PPP1R9A: variants seen among roughly 807,000 people sequenced by gnomAD.
The protein encoded by PPP1R9A is protein phosphatase 1 regulatory subunit 9A.
In PPP1R9A, 59 loss-of-function variants were observed where a neutral mutation model predicts 141.9. That is an observed-to-expected ratio of 0.42 (90% CI 0.34 to 0.52). The LOEUF is 0.52. PPP1R9A is among the 20% of genes least tolerant of loss of function. The pLI, the probability that PPP1R9A is intolerant of heterozygous loss-of-function variation, is 0.10. For synonymous variants in PPP1R9A, 500 were observed against 569.7 expected (o/e 0.88, Z 1.74); for missense variants, 1,444 against 1,611.9 (o/e 0.90, Z 1.78).
chr7:94,986,677 A>G (rs1461201467), intron 2 of PPP1R9A, among the ~76,000 whole-genome samples: 3 of 152,236 alleles, frequency 2.0e-5, no homozygotes, highest in Admixed American at 6.5e-5. Flanking sequence ...TCCAGATTTA[A>G]TCATTATACA....
At chr7:95,094,879 CAAAAAAAAAAAAAAAAA>C (rs1166550834) in intron 2 of PPP1R9A, among the ~76,000 whole-genome samples, 1 of 44,974 alleles carries the variant, frequency 2.2e-5, no homozygotes, top group Non-Finnish European at 4.2e-5. Flanking sequence ...GACTGCGTCT[CAAAAAAAAAAAAAAAAA>C]AAAAAAAAAG....
chr7:95,265,860 C>A (rs1487383234), intron 12 of PPP1R9A, among the ~76,000 whole-genome samples: 1 of 152,060 alleles, frequency 6.6e-6, no homozygotes, highest in Non-Finnish European at 1.5e-5. Context: ...ATATAAGGCA[C>A]AACTTTTTAG....
chr7:95,126,393 A>G lies in PPP1R9A; in HGVS notation c.1649+5561A>G, dbSNP rs543157236. On this transcript the variant is annotated intron_variant, in intron 4 of 19. Coordinates refer to ENST00000433360, the MANE Select transcript of PPP1R9A (RefSeq NM_001166160.2). ...TATTGATTCTGGTTTTCAGATTAAG[A>G]ATTGCAGGATCTCAGCAATATCACA... Among the ~76,000 whole-genome samples, 4 of 152,290 alleles carry G rather than the reference A, an allele frequency of 2.6e-5. 1 individual carries two copies. The highest frequency in any genetic ancestry group is 2.6e-4 in the Admixed American group (4 of 15,290).
intron 2 of PPP1R9A, among the ~76,000 whole-genome samples, chr7:95,072,993 A>T: frequency 7.4e-6 from 1 of 135,058 alleles, no homozygotes; most frequent in African/African-American, 2.8e-5. Context: ...TATTATTATT[A>T]TTATTATTTT....
At chr7:95,221,869 A>G (rs182442411) in intron 7 of PPP1R9A, among the ~76,000 whole-genome samples, 1 of 152,096 alleles carries the variant, frequency 6.6e-6, no homozygotes, top group African/African-American at 2.4e-5. Context: ...AATGTCAGTC[A>G]GCAGACCCAT....
chr7:95,179,468 C>T (rs1267266015), intron 5 of PPP1R9A, among the ~76,000 whole-genome samples: 1 of 152,046 alleles, frequency 6.6e-6, no homozygotes. Flanking sequence ...TGGAACAAGA[C>T]AAGGATGCCC....
At chr7:95,012,861 T>G (rs1027636656) in intron 2 of PPP1R9A, among the ~76,000 whole-genome samples, 12 of 152,212 alleles carry the variant, frequency 7.9e-5, no homozygotes, top group Non-Finnish European at 1.6e-4. Flanking sequence ...TTGGGCTGCC[T>G]TCACAAAGTG....
chr7:94,968,065 A>G (rs138937337), intron 2 of PPP1R9A, among the ~76,000 whole-genome samples: 2,045 of 152,268 alleles, frequency 0.013, 51 homozygotes, highest in African/African-American at 0.047. Flanking sequence ...GTAGGTCTCT[A>G]AGAACTTGCT....
intron 2 of PPP1R9A, among the ~76,000 whole-genome samples, chr7:95,096,254 G>A (rs1452032946): frequency 2.6e-5 from 4 of 152,154 alleles, no homozygotes; most frequent in Non-Finnish European, 4.4e-5. Flanking sequence ...TTTTGTTGCT[G>A]TCATTCTCCC....
intron 5 of PPP1R9A, among the ~76,000 whole-genome samples, chr7:95,162,298 A>C (rs1005726589): frequency 8.5e-5 from 13 of 152,308 alleles, no homozygotes; most frequent in South Asian, 6.2e-4. Context: ...TAAGGAAAAC[A>C]GTTATACAAT....
intron 18 of PPP1R9A, among the ~76,000 whole-genome samples, chr7:95,288,201 A>G (rs907567141): frequency 6.6e-6 from 1 of 152,240 alleles, no homozygotes; most frequent in African/African-American, 2.4e-5. Context: ...GATGCATTGC[A>G]TATAGAAATT....
At chr7:95,280,799 G>A (rs550284714) in intron 16 of PPP1R9A, among the ~76,000 whole-genome samples, 2 of 152,236 alleles carry the variant, frequency 1.3e-5, no homozygotes, top group African/African-American at 4.8e-5. Context: ...AAAGGAAGGT[G>A]AAAAGGAAAG....
intron 2 of PPP1R9A, among the ~76,000 whole-genome samples, chr7:94,941,927 G>GTTTC (rs1232230968): frequency 1.3e-5 from 2 of 151,958 alleles, no homozygotes; most frequent in Non-Finnish European, 2.9e-5. Flanking sequence ...TTAAGCCAAA[G>GTTTC]TTTCTTTTTT....
At chr7:95,240,946 A>C (rs989492539) in intron 8 of PPP1R9A, among the ~76,000 whole-genome samples, 6 of 17,508 alleles carry the variant, frequency 3.4e-4, no homozygotes, top group Non-Finnish European at 5.3e-4. Flanking sequence ...AAAATCTTTT[A>C]GTAGGTTAGT....
At chr7:95,042,225 T>C (rs1563157724) in intron 2 of PPP1R9A, among the ~76,000 whole-genome samples, 1 of 152,148 alleles carries the variant, frequency 6.6e-6, no homozygotes, top group Non-Finnish European at 1.5e-5. Flanking sequence ...TGTGGAGTTG[T>C]GAGTAGACAA....
chr7:95,087,918 A>T (rs1301349050), intron 2 of PPP1R9A, among the ~76,000 whole-genome samples: 1 of 151,912 alleles, frequency 6.6e-6, no homozygotes, highest in African/African-American at 2.4e-5. Context: ...AGAGAAAAAA[A>T]AAAAAAGGAA....
chr7:95,105,853 A>G (rs1167299571), intron 2 of PPP1R9A, among the ~76,000 whole-genome samples: 1 of 152,240 alleles, frequency 6.6e-6, no homozygotes, highest in African/African-American at 2.4e-5. Flanking sequence ...TGCTCTAGAC[A>G]TAGGTGGGGA....
intron 4 of PPP1R9A, among the ~76,000 whole-genome samples, chr7:95,133,398 G>A (rs941450582): frequency 6.6e-6 from 1 of 151,886 alleles, no homozygotes; most frequent in Admixed American, 6.6e-5. Context: ...AAGTAGCAGA[G>A]CCTGCCTGTA....
intron 2 of PPP1R9A, among the ~76,000 whole-genome samples, chr7:94,931,720 A>G (rs1273587199): frequency 6.6e-6 from 1 of 152,106 alleles, no homozygotes; most frequent in Non-Finnish European, 1.5e-5. Flanking sequence ...CTGGGATTAT[A>G]AGCATGCGCC....
Sources: allele counts gnomAD v4.1 joint callset (sites outside exome capture counted in the v4.1 genomes callset), GRCh38; gene constraint gnomAD v4.1.1; transcripts MANE v1.5; gene names NCBI Gene and HGNC (gene_info 2026-07-23, HGNC 2026-07-21).